GAB4: variants seen among roughly 807,000 people sequenced by gnomAD.
GAB4 encodes GRB2 associated binding protein family member 4.
A neutral mutation model predicts 51.3 loss-of-function variants in GAB4; 26 were observed. That is an observed-to-expected ratio of 0.51 (90% CI 0.37 to 0.70). The LOEUF (loss-of-function observed/expected upper bound fraction) is 0.70. Ranked by LOEUF, GAB4 falls within the 30% of genes least tolerant of loss-of-function variation. The pLI, the probability that GAB4 is intolerant of heterozygous loss-of-function variation, is 0.00. For synonymous variants in GAB4, 329 were observed against 291.2 expected, an observed-to-expected ratio of 1.13 and a Z score of -1.32; for missense variants, 759 against 734.6, an observed-to-expected ratio of 1.03 and a Z score of -0.38.
At chr22:16,992,984 C>G (rs868809120) in intron 1 of GAB4, among the ~76,000 whole-genome samples, 44 of 152,152 alleles carry the variant, frequency 2.9e-4, no homozygotes, top group African/African-American at 1.1e-3. Flanking sequence ...CTTCCGCCTC[C>G]CAAAGCACTG....
chr22:16,978,291 T>C (rs773828370), intron 3 of GAB4, among the ~76,000 whole-genome samples: 15 of 152,030 alleles, frequency 9.9e-5, no homozygotes, highest in South Asian at 6.2e-4. Context: ...CTAGCCAGAC[T>C]AATAAAGAAG....
intron 3 of GAB4, among the ~76,000 whole-genome samples, chr22:16,975,336 G>A (rs114884146): frequency 0.011 from 1,607 of 152,278 alleles, 26 homozygotes; most frequent in African/African-American, 0.036. Context: ...TAGGGCATCC[G>A]CCATTACTGA....
At chr22:16,971,158 T>C (rs2123657981) in intron 3 of GAB4, among the ~76,000 whole-genome samples, 1 of 152,312 alleles carries the variant, frequency 6.6e-6, no homozygotes, top group Non-Finnish European at 1.5e-5. Context: ...CATGCTACTG[T>C]ACTCCAACTT....
chr22:17,002,829 A>T (rs548818364), intron 1 of GAB4, among the ~76,000 whole-genome samples: 135 of 152,314 alleles, frequency 8.9e-4, no homozygotes, highest in African/African-American at 2.8e-3. Flanking sequence ...AGTATAATTT[A>T]AAAAAATTAA....
Position 16,963,789 on chromosome 22 carries a change from C to T in GAB4, c.1517G>A (p.Ser506Asn). 1 of 1,613,952 alleles carries T rather than the reference C, an allele frequency of 6.2e-7. No homozygotes were observed. Among genetic ancestry groups the T allele is most frequent in the South Asian group, 1.1e-5 (1 of 91,082 alleles). Residue 506 changes from serine (S) to asparagine (N), a missense_variant, in exon 9 of 10, where the codon AGT (serine) becomes AAT (asparagine). Physicochemically the swap from Ser to Asn is conservative, Grantham distance 46. Coordinates refer to ENST00000400588, the MANE Select transcript of GAB4 (RefSeq NM_001037814.1). ...ACCAGTGCTCCTCGGCGGGGCTGAA[C>T]TGCTGGTGCCACCGGAAACAGGAAA... Reference protein sequence around the residue: ...SAFPVSGGTSSSAPPRSTGNI... With the variant: ...SAFPVSGGTSNSAPPRSTGNI...
At chr22:17,005,863 G>A (rs2061036400) in intron 1 of GAB4, among the ~76,000 whole-genome samples, 2 of 151,934 alleles carry the variant, frequency 1.3e-5, no homozygotes, top group East Asian at 1.9e-4. Flanking sequence ...TCTGAAGGAG[G>A]TCGGGGTCAA....
chr22:16,971,033 CAAAAAA>C (rs559151212), intron 3 of GAB4, among the ~76,000 whole-genome samples: 1 of 126,068 alleles, frequency 7.9e-6, no homozygotes, highest in African/African-American at 2.9e-5. Context: ...CTGTCTCTTC[CAAAAAA>C]AAAAAAAAAT....
intron 3 of GAB4, among the ~76,000 whole-genome samples, chr22:16,974,782 G>A (rs1216827081): frequency 1.3e-5 from 2 of 152,164 alleles, no homozygotes; most frequent in African/African-American, 2.4e-5. Context: ...GCAGAAGGTG[G>A]GTGATTTCCG....
chr22:16,963,220 G>A (rs1287382163), intron 9 of GAB4, among the ~76,000 whole-genome samples: 1 of 152,172 alleles, frequency 6.6e-6, no homozygotes, highest in African/African-American at 2.4e-5. Flanking sequence ...CTTTCCAGGG[G>A]TGCCCTTGGT....
At chr22:16,973,633 A>G (rs2060752513) in intron 3 of GAB4, among the ~76,000 whole-genome samples, 1 of 152,182 alleles carries the variant, frequency 6.6e-6, no homozygotes, top group Admixed American at 6.5e-5. Flanking sequence ...AAGACTTTCT[A>G]TCTACAAAAG....
intron 3 of GAB4, among the ~76,000 whole-genome samples, chr22:16,979,076 T>C (rs2060805311): frequency 6.6e-6 from 1 of 152,196 alleles, no homozygotes; most frequent in African/African-American, 2.4e-5. Flanking sequence ...GCCAATATCA[T>C]ACTGAATGGG....
At chr22:16,983,226 T>C (rs1448077570) in intron 3 of GAB4, among the ~76,000 whole-genome samples, 1 of 152,160 alleles carries the variant, frequency 6.6e-6, no homozygotes, top group Non-Finnish European at 1.5e-5. Flanking sequence ...ATAAATAGCA[T>C]GGGCTCCCAG....
intron 6 of GAB4, 22 bp from the exon 7 acceptor site, chr22:16,965,290 G>A (rs748928982): frequency 5.0e-6 from 8 of 1,595,714 alleles, no homozygotes; most frequent in Non-Finnish European, 6.9e-6. Flanking sequence ...AAAGAACCTT[G>A]TCATCAGCCA....
intron 1 of GAB4, among the ~76,000 whole-genome samples, chr22:16,996,638 G>A (rs1321790463): frequency 6.6e-6 from 1 of 152,072 alleles, no homozygotes; most frequent in Admixed American, 6.5e-5. Flanking sequence ...AGCCAAAAGA[G>A]AGTGAGGGCC....
In GAB4 at chr22:16,970,126, G is replaced by C; in HGVS notation, c.754C>G (p.Leu252Val). 1 of 1,614,180 alleles carries C rather than the reference G, an allele frequency of 6.2e-7. No individual in the cohort carries two copies. The highest frequency in any genetic ancestry group is 2.2e-5 in the East Asian group (1 of 44,880). ...ACACTGTATCCACTGTGCTGGGCAA[G>C]ATTTTGCATGGCTGTGTTTCTCCTC... ...IMRRNTAMQN[L>V]AQHSGYSVDG... Residue 252 changes from leucine to valine, a missense_variant, in exon 4 of 10, where the codon CTT becomes GTT. By Grantham distance (32) the Leu-to-Val change is conservative. Transcript: ENST00000400588.
At chr22:16,985,801 C>G (rs372921238) in intron 3 of GAB4, among the ~76,000 whole-genome samples, 1 of 152,216 alleles carries the variant, frequency 6.6e-6, no homozygotes, top group Non-Finnish European at 1.5e-5. Flanking sequence ...CATCTCACTA[C>G]AGCACACGAC....
intron 3 of GAB4, 30 bp downstream of exon 3, chr22:16,987,929 AC>A (rs777187702): frequency 1.1e-5 from 16 of 1,520,834 alleles, no homozygotes; most frequent in Non-Finnish European, 1.4e-5. Context: ...TGTGGGGGTC[AC>A]TGCCCCCACT....
intron 1 of GAB4, among the ~76,000 whole-genome samples, chr22:17,000,431 T>G (rs972599783): frequency 6.6e-6 from 1 of 152,158 alleles, no homozygotes; most frequent in Non-Finnish European, 1.5e-5. Flanking sequence ...TGGTTTAAAG[T>G]CTGTTTTATC....
At chr22:17,007,581 G>A (rs2061051412) in intron 1 of GAB4, among the ~76,000 whole-genome samples, 1 of 151,230 alleles carries the variant, frequency 6.6e-6, no homozygotes, top group South Asian at 2.1e-4. Context: ...GAGGGTGCGA[G>A]GTGCCCGCCA....
Sources: gnomAD v4.1 joint callset for allele counts (sites outside exome capture counted in the v4.1 genomes callset) on GRCh38, gnomAD v4.1.1 for gene constraint, MANE v1.5 for transcripts, NCBI Gene and HGNC (gene_info 2026-07-23, HGNC 2026-07-21) for gene names.